SORCS2: variants seen among roughly 807,000 people sequenced by gnomAD.
The protein encoded by SORCS2 is VPS10 domain-containing receptor SorCS2.
SORCS2 carries 100 observed loss-of-function variants against 141.6 expected under a neutral mutation model. That is an observed-to-expected ratio of 0.71 (90% CI 0.60 to 0.83). SORCS2 has a LOEUF of 0.83. SORCS2 is among the 40% of genes least tolerant of loss of function. SORCS2 has a pLI of 0.00. For missense variants in SORCS2, 1,646 were observed against 1,560.2 expected, an observed-to-expected ratio of 1.05 and a Z score of -0.93; for synonymous variants, 789 against 676.9, an observed-to-expected ratio of 1.17 and a Z score of -2.57.
At chr4:7,309,353 G>A (rs542412788) in intron 1 of SORCS2, among the ~76,000 whole-genome samples, 12 of 152,280 alleles carry the variant, frequency 7.9e-5, no homozygotes, top group African/African-American at 2.6e-4. Context: ...CTCTTTTTAT[G>A]TACCTGTAAA....
Position 7,663,995 on chromosome 4 carries a change from G to A in SORCS2, c.953-358G>A, listed in dbSNP as rs1425595297. Among the ~76,000 whole-genome samples the A allele has an allele frequency of 2.6e-5, 4 of 152,068 alleles. No individual in the cohort carries two copies. The highest frequency in any genetic ancestry group is 2.1e-4 in the South Asian group (1 of 4,826). The stretch of plus-strand genomic sequence containing the variant: ...GGAAAAGAACCCTTGAGCCCCACCC[G>A]CCCCCATCCCTGCTTAGGTGTGAGA... On this transcript the variant is annotated intron_variant, in intron 6 of 26. Coordinates refer to ENST00000507866, the MANE Select transcript of SORCS2 (RefSeq NM_020777.3). This position sits in a 1 kb window ranked among gnomAD's most constrained non-coding sequence, Gnocchi z 4.8.
At chr4:7,511,101 C>T (rs917813854) in intron 2 of SORCS2, among the ~76,000 whole-genome samples, 4 of 152,090 alleles carry the variant, frequency 2.6e-5, no homozygotes, top group Non-Finnish European at 5.9e-5. Flanking sequence ...GAGAGAATGG[C>T]TCACACAGAA....
chr4:7,521,880 G>A (rs1424868019), intron 2 of SORCS2, among the ~76,000 whole-genome samples: 2 of 152,246 alleles, frequency 1.3e-5, no homozygotes, highest in Non-Finnish European at 2.9e-5. Context: ...CCTCGCAGCT[G>A]TTAGGGACAC....
Position 7,531,550 on chromosome 4 carries a change from C to T in SORCS2, c.569C>T (p.Ser190Phe). The change falls in exon 3 of 27, where the codon TCC becomes TTC. Residue 190 changes from serine to phenylalanine, a missense_variant. Transcript: ENST00000507866. ...CCCAGGTCATCAGATTTCGGGACGT[C>T]CTACACCAAGCTCACCCTCCAGCCT... The part of the protein sequence containing the change: ...SLWRSSDFGT[S>F]YTKLTLQPGV... 1 of 1,613,880 alleles carries T rather than the reference C, an allele frequency of 6.2e-7. No homozygotes were observed. Among genetic ancestry groups the T allele is most frequent in the Middle Eastern group, 1.6e-4 (1 of 6,062 alleles).
chr4:7,376,429 T>C (rs1417105425), intron 1 of SORCS2, among the ~76,000 whole-genome samples: 1 of 152,008 alleles, frequency 6.6e-6, no homozygotes, highest in African/African-American at 2.4e-5. Flanking sequence ...ATACAAAAAT[T>C]AGCCGGGTGT....
chr4:7,392,212 C>T (rs927706180), intron 1 of SORCS2, among the ~76,000 whole-genome samples: 8 of 152,352 alleles, frequency 5.3e-5, no homozygotes, highest in South Asian at 2.1e-4. Flanking sequence ...AGCCTTGTGT[C>T]TCCCAGGGTT....
chr4:7,406,622 C>G (rs1724986347), intron 2 of SORCS2, among the ~76,000 whole-genome samples: 1 of 151,566 alleles, frequency 6.6e-6, no homozygotes, highest in African/African-American at 2.4e-5. Flanking sequence ...TGAGTTTTCT[C>G]TCTTCTTTTC....
chr4:7,271,098 T>C (rs577188694), intron 1 of SORCS2, among the ~76,000 whole-genome samples: 5 of 152,334 alleles, frequency 3.3e-5, no homozygotes, highest in South Asian at 4.1e-4. Flanking sequence ...AGCTTGATCA[T>C]GGAGGTAGGT....
At chr4:7,736,043 C>T (rs1367625158) in intron 25 of SORCS2, among the ~76,000 whole-genome samples, 1 of 152,242 alleles carries the variant, frequency 6.6e-6, no homozygotes, top group African/African-American at 2.4e-5. Flanking sequence ...GCAGAAGTGC[C>T]CAATATACTT....
intron 1 of SORCS2, among the ~76,000 whole-genome samples, chr4:7,354,194 G>A (rs944221282): frequency 2.0e-5 from 3 of 152,142 alleles, no homozygotes; most frequent in Non-Finnish European, 4.4e-5. Context: ...GCCTGTCCTG[G>A]TCCAGCATCT....
intron 2 of SORCS2, among the ~76,000 whole-genome samples, chr4:7,477,551 G>T (rs1730380170): frequency 6.6e-6 from 1 of 152,194 alleles, no homozygotes; most frequent in Non-Finnish European, 1.5e-5. Flanking sequence ...GCTCAAAGTT[G>T]GATTGGCTAA....
At chr4:7,630,250 G>A (rs1200628861) in intron 3 of SORCS2, among the ~76,000 whole-genome samples, 2 of 152,158 alleles carry the variant, frequency 1.3e-5, no homozygotes, top group Admixed American at 6.5e-5. Flanking sequence ...GGCTGGGAGT[G>A]AGTGAAAAAA....
intron 7 of SORCS2, 100 bp from the exon 8 acceptor site, chr4:7,667,024 C>A (rs1241649893): frequency 1.9e-6 from 2 of 1,056,510 alleles, no homozygotes; most frequent in Admixed American, 1.8e-5. Flanking sequence ...AGTAAAAGGG[C>A]ATTTTCACTT....
intron 2 of SORCS2, among the ~76,000 whole-genome samples, chr4:7,475,699 TCACACACAA>T (rs958142030): frequency 1.3e-5 from 2 of 151,812 alleles, no homozygotes; most frequent in African/African-American, 4.9e-5. Context: ...ATGTTCATGT[TCACACACAA>T]CACACATACA....
In SORCS2 at chr4:7,209,181, G is replaced by A. The variant is rs144477620; in HGVS notation, c.480+16055G>A. 2.1e-3 allele frequency among the ~76,000 whole-genome samples: 321 copies of A among 152,298 alleles called. 1 individual carries two copies. Among genetic ancestry groups the A allele is most frequent in the African/African-American group, 6.7e-3 (277 of 41,550 alleles). On this transcript the variant is annotated intron_variant, in intron 1 of 26. Transcript: ENST00000507866. ...CATGTGGAGGTCTTGCCCCGGTGCC[G>A]GACAGCCAGCATATGCTCAGATGCC... is the stretch of plus-strand genomic sequence containing the variant.
intron 3 of SORCS2, among the ~76,000 whole-genome samples, chr4:7,599,290 G>T (rs1717496944): frequency 6.6e-6 from 1 of 152,182 alleles, no homozygotes; most frequent in Non-Finnish European, 1.5e-5. Context: ...CAACTGGTGT[G>T]GTCTCCCCTA....
chr4:7,229,154 C>G (rs1313198487), intron 1 of SORCS2, among the ~76,000 whole-genome samples: 5 of 152,184 alleles, frequency 3.3e-5, no homozygotes, highest in Non-Finnish European at 7.4e-5. Context: ...ATAGGGGTAG[C>G]TTGCCGTGCT....
At chr4:7,301,168 C>A (rs1258336492) in intron 1 of SORCS2, among the ~76,000 whole-genome samples, 1 of 152,190 alleles carries the variant, frequency 6.6e-6, no homozygotes, top group Non-Finnish European at 1.5e-5. Flanking sequence ...CACAGCACAG[C>A]CCCGATCTTG....
Position 7,714,354 on chromosome 4 carries a change from C to T in SORCS2, c.2104C>T (p.Arg702Trp), listed in dbSNP as rs773100535. ...SALTSRVCEC[R>W]DSDFLCDYGF... ...GCTCACGTCCCGCGTGTGCGAGTGC[C>T]GGGACTCGGACTTCCTGTGGTGAGC... Residue 702 changes from arginine (R) to tryptophan (W), a missense_variant, in exon 16 of 27, where the codon CGG (arginine) becomes TGG (tryptophan). Coordinates refer to ENST00000507866, the MANE Select transcript of SORCS2 (RefSeq NM_020777.3). 39 of 1,556,594 alleles carry T rather than the reference C, an allele frequency of 2.5e-5. No homozygotes were observed. The highest frequency in any genetic ancestry group is 3.6e-5 in the South Asian group (3 of 84,392).
Sources: allele counts gnomAD v4.1 joint callset (sites outside exome capture counted in the v4.1 genomes callset), GRCh38; gene constraint gnomAD v4.1.1; non-coding constraint Gnocchi (gnomAD v3.1); transcripts MANE v1.5; gene names NCBI Gene and HGNC (gene_info 2026-07-23, HGNC 2026-07-21).